ZNF45: variants seen among roughly 807,000 people sequenced by gnomAD.
The protein encoded by ZNF45 is BRC1744.
Under a neutral mutation model 12.0 loss-of-function variants are expected in ZNF45, and 4 were observed. The observed-to-expected ratio is 0.33, with a 90% CI of 0.16 to 0.76. ZNF45 has a LOEUF of 0.76. ZNF45 is among the 30% of genes least tolerant of loss of function. The probability of loss-of-function intolerance (pLI) is 0.60; values close to 1 mark genes in which losing one functional copy is unlikely to be tolerated. For synonymous variants in ZNF45, 272 were observed against 279.6 expected (o/e 0.97, Z 0.27); for missense variants, 700 against 813.0 (o/e 0.86, Z 1.69).
chr19:43,921,422 C>G (rs1973170429), intron 7 of ZNF45, among the ~76,000 whole-genome samples: 1 of 152,098 alleles, frequency 6.6e-6, no homozygotes, highest in Non-Finnish European at 1.5e-5. Flanking sequence ...AGTAAACATA[C>G]ATAGGGTATA....
intron 9 of ZNF45, among the ~76,000 whole-genome samples, chr19:43,917,612 A>G (rs1033835474): frequency 6.6e-6 from 1 of 152,032 alleles, no homozygotes; most frequent in African/African-American, 2.4e-5. Flanking sequence ...CAGCCCCCCA[A>G]GTAGTTGGGG....
chr19:43,919,066 G>A, intron 8 of ZNF45, 104 bp from the exon 9 acceptor site: 1 of 890,300 alleles, frequency 1.1e-6, no homozygotes, highest in Non-Finnish European at 1.8e-6. Flanking sequence ...CAAACTTAGT[G>A]TTTTCCACAC....
chr19:43,928,453 A>G (rs1206133995), intron 3 of ZNF45, among the ~76,000 whole-genome samples: 1 of 152,148 alleles, frequency 6.6e-6, no homozygotes, highest in Non-Finnish European at 1.5e-5. Context: ...AATAATCTGT[A>G]CAACAAACCC....
At chr19:43,928,519 G>A (rs1022590532) in intron 3 of ZNF45, among the ~76,000 whole-genome samples, 3 of 152,172 alleles carry the variant, frequency 2.0e-5, no homozygotes, top group African/African-American at 4.8e-5. Flanking sequence ...TGCAGTTACA[G>A]AAGATCAAGG....
intron 8 of ZNF45, 58 bp downstream of exon 8, chr19:43,919,515 C>G: frequency 6.3e-7 from 1 of 1,579,476 alleles, no homozygotes; most frequent in South Asian, 1.1e-5. Context: ...CCTGTATACC[C>G]AAGGACAGAG....
intron 9 of ZNF45, among the ~76,000 whole-genome samples, chr19:43,916,672 G>A (rs1972708532): frequency 6.6e-6 from 1 of 152,158 alleles, no homozygotes; most frequent in Non-Finnish European, 1.5e-5. Flanking sequence ...CAATAGATGT[G>A]TTGAATAAAA....
chr19:43,923,117 C>T (rs1973347904), intron 6 of ZNF45, among the ~76,000 whole-genome samples: 1 of 152,176 alleles, frequency 6.6e-6, no homozygotes, highest in Non-Finnish European at 1.5e-5. Flanking sequence ...TGAGCCACCA[C>T]ACTCAGCTGA....
At position 43,913,156 on chromosome 19, in the gene ZNF45, C is replaced by A. The variant is rs753632253; in HGVS notation, c.*231G>T. The A allele has an allele frequency of 1.2e-5, 5 of 414,964 alleles. No homozygotes were observed. Among genetic ancestry groups the A allele is most frequent in the Non-Finnish European group, 2.1e-5 (5 of 234,882 alleles). 25.7% of individuals were successfully genotyped at this position (414,964 alleles called of 1,614,324 possible). On this transcript the variant is annotated 3_prime_UTR_variant, in exon 10 of 10. Transcript: ENST00000269973. Reference sequence around the variant, plus strand: ...ATTCAGCATTTCTATCTTAGTACTTCTGATTTACTCCAGATCAGACTCATC... The same window carrying A: ...ATTCAGCATTTCTATCTTAGTACTTATGATTTACTCCAGATCAGACTCATC...
chr19:43,924,315 A>G lies in ZNF45; in HGVS notation c.-105-5T>C, dbSNP rs1305140314. On this transcript the variant is annotated splice_polypyrimidine_tract_variant and splice_region_variant and intron_variant, in intron 5 of 9. Coordinates refer to ENST00000269973, the MANE Select transcript of ZNF45 (RefSeq NM_003425.4). ...AACTTCTGTGCCTATGCTCAGCTAT[A>G]AGAAGGGAAATGAAAACAGGATGTT... The G allele has an allele frequency of 6.6e-6, 1 of 152,204 alleles. No homozygotes were observed. Among genetic ancestry groups the G allele is most frequent in the Non-Finnish European group, 1.5e-5 (1 of 68,042 alleles). 9.4% of individuals were successfully genotyped at this position (152,204 alleles called of 1,614,324 possible).
chr19:43,929,647 C>T (rs573496351), intron 3 of ZNF45, among the ~76,000 whole-genome samples: 1 of 152,232 alleles, frequency 6.6e-6, no homozygotes, highest in African/African-American at 2.4e-5. Context: ...GTCACTCAGC[C>T]GCTTTTATAA....
chr19:43,914,631 C>T lies in ZNF45; in HGVS notation c.805G>A (p.Val269Ile). Residue 269 changes from valine to isoleucine, a missense_variant, in exon 10 of 10, where the codon GTT becomes ATT. Coordinates refer to ENST00000269973, the MANE Select transcript of ZNF45 (RefSeq NM_003425.4). The stretch of plus-strand genomic sequence containing the variant: ...TTATAGGGTTTCTCTCCCGTATGAA[C>T]TATCAGAGGAGCTTGACAATGTGAG... Reference protein sequence around the residue: ...KSSHCQAPLIVHTGEKPYKCE... With the variant: ...KSSHCQAPLIIHTGEKPYKCE... 3.1e-6 allele frequency: 5 copies of T among 1,613,720 alleles called. No homozygotes were observed. In the South Asian group the frequency reaches 5.5e-5, roughly 18 times the overall value.
chr19:43,915,803 A>G (rs941423052), intron 9 of ZNF45, among the ~76,000 whole-genome samples: 3 of 152,206 alleles, frequency 2.0e-5, no homozygotes, highest in African/African-American at 4.8e-5. Context: ...GTCTGTGGAA[A>G]AACCATCTTC....
At chr19:43,925,812 T>C (rs1043968699) in intron 3 of ZNF45, among the ~76,000 whole-genome samples, 3 of 152,164 alleles carry the variant, frequency 2.0e-5, no homozygotes, top group Non-Finnish European at 4.4e-5. Context: ...TTTGTTTTTT[T>C]AGTACAGATG....
intron 3 of ZNF45, among the ~76,000 whole-genome samples, chr19:43,925,727 T>G (rs2147080435): frequency 6.6e-6 from 1 of 152,294 alleles, no homozygotes; most frequent in Non-Finnish European, 1.5e-5. Context: ...GTTCAAAAGA[T>G]TATCCTGCCT....
chr19:43,913,192 C>A lies in ZNF45; in HGVS notation c.*195G>T. Reference sequence around the variant, plus strand: ...CAGATCAGACTCATCCTTCCTGATCCTCTTGTCTGCATGTATCAGCTAATG... The same window carrying A: ...CAGATCAGACTCATCCTTCCTGATCATCTTGTCTGCATGTATCAGCTAATG... On this transcript the variant is annotated 3_prime_UTR_variant, in exon 10 of 10. Transcript: ENST00000269973. The A allele has an allele frequency of 1.9e-6, 1 of 516,114 alleles. No individual in the cohort carries two copies. Among genetic ancestry groups the A allele is most frequent in the East Asian group, 3.0e-5 (1 of 33,298 alleles). 32.0% of individuals were successfully genotyped at this position (516,114 alleles called of 1,614,324 possible).
At chr19:43,930,782 C>T (rs1421526636) in intron 3 of ZNF45, among the ~76,000 whole-genome samples, 1 of 152,130 alleles carries the variant, frequency 6.6e-6, no homozygotes, top group Non-Finnish European at 1.5e-5. Context: ...AAATTTTTCT[C>T]ATAGCTACAC....
chr19:43,921,588 A>G (rs955651824), intron 7 of ZNF45, among the ~76,000 whole-genome samples: 1 of 152,236 alleles, frequency 6.6e-6, no homozygotes, highest in Admixed American at 6.5e-5. Context: ...CTTTTTCAAT[A>G]TAGTGTTTCT....
intron 3 of ZNF45, among the ~76,000 whole-genome samples, chr19:43,928,054 G>C (rs1042872784): frequency 6.6e-6 from 1 of 151,940 alleles, no homozygotes; most frequent in African/African-American, 2.4e-5. Flanking sequence ...GATGGCGAAT[G>C]CCTGTAATCC....
chr19:43,927,012 G>T (rs1973737971), intron 3 of ZNF45, among the ~76,000 whole-genome samples: 1 of 152,134 alleles, frequency 6.6e-6, no homozygotes, highest in Non-Finnish European at 1.5e-5. Context: ...GGCTTGAGGG[G>T]GAGGAGGCTA....
Sources: allele counts gnomAD v4.1 joint callset (sites outside exome capture counted in the v4.1 genomes callset), GRCh38; gene constraint gnomAD v4.1.1; transcripts MANE v1.5; gene names NCBI Gene and HGNC (gene_info 2026-07-23, HGNC 2026-07-21).